Variants in DLG2 observed in about 807,000 individuals in gnomAD.
DLG2 encodes the protein discs large MAGUK scaffold protein 2, also known as disks large homolog 2.
In DLG2, 45 loss-of-function variants were observed where a neutral mutation model predicts 132.5. The ratio of observed to expected loss-of-function variants is 0.34; its 90% CI spans 0.27 to 0.44. The LOEUF (loss-of-function observed/expected upper bound fraction) is 0.44. DLG2 is among the 20% of genes least tolerant of loss of function. The probability of loss-of-function intolerance (pLI) is 1.00; values close to 1 mark genes in which losing one functional copy is unlikely to be tolerated. For synonymous variants in DLG2, 424 were observed against 419.6 expected (o/e 1.01, Z -0.13); for missense variants, 1,045 against 1,196.9 (o/e 0.87, Z 1.87).
chr11:83,673,553 G>A (rs1461775607), intron 18 of DLG2, among the ~76,000 whole-genome samples: 3 of 152,124 alleles, frequency 2.0e-5, no homozygotes, highest in Admixed American at 1.3e-4. Flanking sequence ...ATGGTAGAAG[G>A]CCCACTAGCA....
At chr11:83,633,103 G>A (rs2063853059) in intron 19 of DLG2, 108 bp downstream of exon 19, 1 of 917,206 alleles carries the variant, frequency 1.1e-6, no homozygotes, top group South Asian at 1.4e-5. Flanking sequence ...GTGTACTGAT[G>A]AAAGTGGGTT....
At chr11:84,711,985 G>A (rs1596298522) in intron 6 of DLG2, among the ~76,000 whole-genome samples, 3 of 151,928 alleles carry the variant, frequency 2.0e-5, no homozygotes, top group Admixed American at 6.6e-5. Context: ...CAGTTTACAC[G>A]GGCAAATGGA....
chr11:84,720,414 C>A (rs949647314), intron 6 of DLG2: 7 of 985,450 alleles, frequency 7.1e-6, no homozygotes, highest in South Asian at 9.4e-5. Context: ...CGGGCTGCGG[C>A]AGTGGCAGCT....
At chr11:84,392,993 A>G (rs546322683) in intron 7 of DLG2, among the ~76,000 whole-genome samples, 2 of 152,324 alleles carry the variant, frequency 1.3e-5, no homozygotes, top group South Asian at 4.1e-4. Context: ...ATGGATGCAA[A>G]TAAAAAGACA....
chr11:83,842,314 C>T (rs941689364), intron 16 of DLG2, among the ~76,000 whole-genome samples: 1 of 151,924 alleles, frequency 6.6e-6, no homozygotes, highest in Non-Finnish European at 1.5e-5. Flanking sequence ...GGAAAATTAC[C>T]GCCAGGCTTG....
chr11:85,377,896 C>A (rs1294948405), intron 3 of DLG2, among the ~76,000 whole-genome samples: 4 of 150,188 alleles, frequency 2.7e-5, no homozygotes, highest in East Asian at 3.9e-4. Context: ...AACACACACA[C>A]ACATACATAT....
chr11:85,425,756 G>T (rs1367769968), intron 3 of DLG2, among the ~76,000 whole-genome samples: 1 of 152,170 alleles, frequency 6.6e-6, no homozygotes, highest in Admixed American at 6.5e-5. Context: ...TGAGGTACCA[G>T]GTTCATCTCA....
At chr11:85,582,378 T>C (rs752220759) in intron 3 of DLG2, among the ~76,000 whole-genome samples, 1 of 151,906 alleles carries the variant, frequency 6.6e-6, no homozygotes, top group Non-Finnish European at 1.5e-5. Context: ...TAGTAAGATA[T>C]AGCATAAAAC....
chr11:85,021,910 A>G (rs2060110076), intron 6 of DLG2, among the ~76,000 whole-genome samples: 3 of 152,200 alleles, frequency 2.0e-5, no homozygotes, highest in Non-Finnish European at 4.4e-5. Context: ...TATGTCACAA[A>G]AAATTAGTAT....
intron 8 of DLG2, among the ~76,000 whole-genome samples, chr11:84,220,130 G>A (rs1382510047): frequency 6.6e-6 from 1 of 151,972 alleles, no homozygotes; most frequent in Admixed American, 6.6e-5. Flanking sequence ...CTCTTTATTT[G>A]TATATTAATG....
At chr11:83,658,224 GC>G (rs1353981789) in intron 18 of DLG2, among the ~76,000 whole-genome samples, 1 of 152,224 alleles carries the variant, frequency 6.6e-6, no homozygotes, top group East Asian at 1.9e-4. Flanking sequence ...TATCTAATGG[GC>G]TTTTTGAAAA....
Position 84,366,925 on chromosome 11 carries a change from T to C in DLG2, c.520-115634A>G, listed in dbSNP as rs566002895. Among the ~76,000 whole-genome samples the C allele has an allele frequency of 6.5e-3, 994 of 152,158 alleles. 6 individuals carry two copies. The highest frequency in any genetic ancestry group is 0.01 in the Non-Finnish European group (711 of 67,990). On this transcript the variant is annotated intron_variant, in intron 7 of 27. Transcript: ENST00000376104. ...CAACGAGACAGAAAGTCAACAAGGA[T>C]ACCCAGGAATTGAACTCATCTCTGC...
chr11:85,354,011 T>TAA (rs546143696), intron 3 of DLG2, among the ~76,000 whole-genome samples: 1 of 140,520 alleles, frequency 7.1e-6, no homozygotes. Context: ...AATTCCTTAA[T>TAA]AAAAAAAAAA....
At chr11:84,262,656 T>C (rs1332325234) in intron 7 of DLG2, among the ~76,000 whole-genome samples, 1 of 152,096 alleles carries the variant, frequency 6.6e-6, no homozygotes, top group Non-Finnish European at 1.5e-5. Context: ...ACCATATTTG[T>C]AGTCTTCTAT....
At chr11:83,728,860 T>C (rs1260885132) in intron 18 of DLG2, among the ~76,000 whole-genome samples, 1 of 152,256 alleles carries the variant, frequency 6.6e-6, no homozygotes, top group Non-Finnish European at 1.5e-5. Flanking sequence ...ACAGCACTTA[T>C]GCCAGTGTTT....
In DLG2 at chr11:83,458,812, A is replaced by T. The variant is rs553287928; in HGVS notation, c.*1006T>A. 6.6e-6 allele frequency: 1 copy of T among 152,320 alleles called. No homozygotes were observed. Among genetic ancestry groups the T allele is most frequent in the Non-Finnish European group, 1.5e-5 (1 of 68,032 alleles). 9.4% of individuals were successfully genotyped at this position (152,320 alleles called of 1,614,324 possible). The stretch of plus-strand genomic sequence containing the variant: ...CAGCATAAAAAAATGCATTAACCAA[A>T]TGTCTTCCAAAAATATCCATGAGGG... On this transcript the variant is annotated 3_prime_UTR_variant, in exon 28 of 28. Transcript: ENST00000376104.
At chr11:85,419,113 G>C (rs969073265) in intron 3 of DLG2, among the ~76,000 whole-genome samples, 1 of 152,142 alleles carries the variant, frequency 6.6e-6, no homozygotes, top group Non-Finnish European at 1.5e-5. Flanking sequence ...TTAAGGCCAG[G>C]CCCTGTGGTA....
chr11:84,447,480 T>G (rs1475422413), intron 7 of DLG2, among the ~76,000 whole-genome samples: 1 of 152,150 alleles, frequency 6.6e-6, no homozygotes, highest in African/African-American at 2.4e-5. Context: ...AAGTCTACCT[T>G]CTTTCTGCTT....
At chr11:84,310,812 T>C (rs2098279209) in intron 7 of DLG2, among the ~76,000 whole-genome samples, 1 of 152,164 alleles carries the variant, frequency 6.6e-6, no homozygotes, top group African/African-American at 2.4e-5. Context: ...AGCCTAAGAT[T>C]TCATCCTAGG....
Sources: allele counts gnomAD v4.1 joint callset (sites outside exome capture counted in the v4.1 genomes callset), GRCh38; gene constraint gnomAD v4.1.1; transcripts MANE v1.5; gene names NCBI Gene and HGNC (gene_info 2026-07-23, HGNC 2026-07-21).